The following EIF5B variants were observed in gnomAD, a reference collection of about 807,000 sequenced individuals.
EIF5B encodes eIF-5B.
A neutral mutation model predicts 147.5 loss-of-function variants in EIF5B; 47 were observed. The observed-to-expected ratio is 0.32, with a 90% confidence interval of 0.25 to 0.41. The LOEUF (loss-of-function observed/expected upper bound fraction) is 0.41, where lower values mean the gene tolerates loss of function less well. Ranked by LOEUF, EIF5B falls within the 10% of genes least tolerant of loss-of-function variation. The pLI is 1.00. For missense variants in EIF5B, 1,064 were observed against 1,413.2 expected (o/e 0.75, Z 3.96); for synonymous variants, 455 against 456.2 (o/e 1.00, Z 0.03).
rs1368930600 is a variant in EIF5B at position 99,400,393 on chromosome 2, T to C, written c.*979T>C. The C allele has an allele frequency of 6.6e-6, 1 of 152,246 alleles. No homozygotes were observed. The highest frequency in any genetic ancestry group is 2.4e-5 in the African/African-American group (1 of 41,466). The allele number at this position is 152,246 out of a possible 1,614,324, so 9.4% of individuals were successfully genotyped here. On this transcript the variant is annotated 3_prime_UTR_variant, in exon 24 of 24. Transcript: ENST00000289371. The stretch of plus-strand genomic sequence containing the variant: ...AAACTTAATGATTCATTCGTAGTAG[T>C]AATCTGTAGCTAGTTTTAGGGTTTT...
intron 10 of EIF5B, among the ~76,000 whole-genome samples, chr2:99,378,121 C>T (rs1044088112): frequency 3.3e-5 from 5 of 152,148 alleles, no homozygotes; most frequent in African/African-American, 9.6e-5. Flanking sequence ...TCCCTGGCAT[C>T]TCACTTTTGG....
intron 14 of EIF5B, among the ~76,000 whole-genome samples, chr2:99,384,329 A>G: frequency 6.6e-6 from 1 of 151,738 alleles, no homozygotes. Context: ...AACTGCTCAG[A>G]GAAAAAGATT....
At chr2:99,399,218 G>T in intron 23 of EIF5B, 89 bp from the exon 24 acceptor site, 1 of 1,247,690 alleles carries the variant, frequency 8.0e-7, no homozygotes, top group South Asian at 1.3e-5. Flanking sequence ...AAGCTTTTTA[G>T]TACAGTGAGA....
intron 1 of EIF5B, among the ~76,000 whole-genome samples, chr2:99,342,032 C>T (rs918464010): frequency 6.6e-6 from 1 of 152,058 alleles, no homozygotes; most frequent in African/African-American, 2.4e-5. Flanking sequence ...CCTAAAGAGA[C>T]CTTGGGAATG....
In EIF5B at chr2:99,338,977, TACAAATATATAC is replaced by T. The variant is rs1157789498; in HGVS notation, c.35+1400_35+1411del. Among the ~76,000 whole-genome samples, 728 of 138,644 alleles carry T rather than the reference TACAAATATATAC, an allele frequency of 5.3e-3. 3 individuals carry two copies. The highest frequency in any genetic ancestry group is 7.6e-3 in the Non-Finnish European group (482 of 63,390). 91.0% of individuals were successfully genotyped at this position (138,644 alleles called of 152,430 possible). A position where few individuals can be genotyped will look rare whatever the true frequency, so the allele number is the denominator to read the frequency against. On this transcript the variant is annotated intron_variant, in intron 1 of 23. Transcript: ENST00000289371. ...ACACATATATATAAATATATATATATACAAATATATACACAAATATATATATACATTTTTTTT... is the reference window on the plus strand; with the variant it reads ...ACACATATATATAAATATATATATATACAAATATATATATACATTTTTTTT...
At chr2:99,362,016 T>C (rs1372678313) in intron 4 of EIF5B, among the ~76,000 whole-genome samples, 196 bp downstream of exon 4, 1 of 152,236 alleles carries the variant, frequency 6.6e-6, no homozygotes, top group Non-Finnish European at 1.5e-5. Flanking sequence ...AGTATAAATA[T>C]CTTTCAGATT....
intron 8 of EIF5B, 111 bp from the exon 9 acceptor site, chr2:99,371,545 A>G (rs115741164): frequency 0.014 from 11,253 of 826,264 alleles, 122 homozygotes; most frequent in Middle Eastern, 0.024. Context: ...TATTTTTTAC[A>G]TAATTAAAAC....
intron 1 of EIF5B, among the ~76,000 whole-genome samples, chr2:99,353,692 A>G (rs532060477): frequency 3.3e-5 from 5 of 152,058 alleles, no homozygotes; most frequent in East Asian, 1.9e-4. Flanking sequence ...CACCTCCCCA[A>G]CCCCTCACCT....
intron 18 of EIF5B, 125 bp from the exon 19 acceptor site, chr2:99,394,142 C>G: frequency 8.0e-7 from 1 of 1,253,530 alleles, no homozygotes. Flanking sequence ...ATGCCTTGCT[C>G]TATCTAAGCC....
In EIF5B at chr2:99,382,871, A is replaced by G. The variant is rs368956346; in HGVS notation, c.2221A>G (p.Ile741Val). ...TTTGGAGCCCCAGACAATTGAGTCT[A>G]TCAACCTTCTCAAATCTAAAAAATG... ...HGLEPQTIESINLLKSKKCPF... is the reference protein window; with the variant it reads ...HGLEPQTIESVNLLKSKKCPF... Residue 741 changes from isoleucine to valine, a missense_variant, in exon 14 of 24, where the codon ATC becomes GTC. By Grantham distance (29) the Ile-to-Val change is conservative. Coordinates refer to ENST00000289371, the MANE Select transcript of EIF5B (RefSeq NM_015904.4). The G allele has an allele frequency of 7.4e-6, 12 of 1,611,712 alleles. No individual in the cohort carries two copies. Among genetic ancestry groups the G allele is most frequent in the Non-Finnish European group, 1.0e-5 (12 of 1,179,290 alleles).
chr2:99,373,440 G>A (rs1342708147), intron 9 of EIF5B, among the ~76,000 whole-genome samples: 1 of 152,150 alleles, frequency 6.6e-6, no homozygotes, highest in Non-Finnish European at 1.5e-5. Context: ...GGGAGGGAAG[G>A]GCAAGAGGAG....
chr2:99,358,837 A>G (rs139046971), intron 1 of EIF5B, among the ~76,000 whole-genome samples: 4 of 152,280 alleles, frequency 2.6e-5, no homozygotes, highest in Non-Finnish European at 5.9e-5. Context: ...ATCAGTGTCA[A>G]ATTATCTAAA....
At chr2:99,371,424 CT>C (rs1674447934) in intron 8 of EIF5B, among the ~76,000 whole-genome samples, 1 of 149,844 alleles carries the variant, frequency 6.7e-6, no homozygotes, top group Non-Finnish European at 1.5e-5. Flanking sequence ...GAAGGCGGAG[CT>C]TGCAGTGAGC....
intron 8 of EIF5B, among the ~76,000 whole-genome samples, chr2:99,369,779 A>G (rs758079283): frequency 2.0e-5 from 3 of 152,194 alleles, no homozygotes; most frequent in African/African-American, 7.2e-5. Flanking sequence ...GATCAAGACC[A>G]TCCTGGCTAA....
chr2:99,382,116 G>A, intron 12 of EIF5B, 43 bp from the exon 13 acceptor site: 1 of 1,544,464 alleles, frequency 6.5e-7, no homozygotes, highest in Admixed American at 1.7e-5. Flanking sequence ...AAGCTTTCAT[G>A]TCTGACTTTC....
At chr2:99,367,241 G>A (rs1674346017) in intron 6 of EIF5B, among the ~76,000 whole-genome samples, 1 of 152,148 alleles carries the variant, frequency 6.6e-6, no homozygotes, top group African/African-American at 2.4e-5. Flanking sequence ...CTCCAAGTCA[G>A]ATATCTGAGA....
chr2:99,379,138 T>G lies in EIF5B; in HGVS notation c.1950+12T>G. 6.3e-7 allele frequency: 1 copy of G among 1,575,826 alleles called. No homozygotes were observed. Among genetic ancestry groups the G allele is most frequent in the Non-Finnish European group, 8.6e-7 (1 of 1,160,390 alleles). ...AAATTCTAGATAAGGTAAGAAAGTA[T>G]TAAATGTATTGATAGAACTTTGAAA... On this transcript the variant is annotated intron_variant, in intron 11 of 23. Transcript: ENST00000289371.
intron 1 of EIF5B, among the ~76,000 whole-genome samples, chr2:99,341,962 C>G (rs1235094800): frequency 6.6e-6 from 1 of 152,146 alleles, no homozygotes; most frequent in Non-Finnish European, 1.5e-5. Context: ...ATGAAAAAGG[C>G]TAGTATCCTC....
intron 1 of EIF5B, among the ~76,000 whole-genome samples, chr2:99,355,686 C>T (rs2105341634): frequency 7.2e-6 from 1 of 139,472 alleles, no homozygotes; most frequent in East Asian, 2.2e-4. Context: ...GACCTCAGCT[C>T]TCTGCAACCT....
Sources: gnomAD v4.1 joint callset for allele counts (sites outside exome capture counted in the v4.1 genomes callset) on GRCh38, gnomAD v4.1.1 for gene constraint, MANE v1.5 for transcripts, NCBI Gene and HGNC (gene_info 2026-07-23, HGNC 2026-07-21) for gene names.